The following OSBPL3 variants were observed in gnomAD, a reference collection of about 807,000 sequenced individuals.
OSBPL3 encodes the protein oxysterol binding protein like 3.
A neutral mutation model predicts 120.1 loss-of-function variants in OSBPL3; 65 were observed. The observed-to-expected ratio is 0.54, with a 90% CI of 0.44 to 0.67. The LOEUF is 0.67. OSBPL3 is among the 30% of genes least tolerant of loss of function. The pLI is 0.00. For synonymous variants in OSBPL3, 416 were observed against 402.6 expected (o/e 1.03, Z -0.40); for missense variants, 1,004 against 1,082.1 (o/e 0.93, Z 1.01).
At chr7:24,842,470 A>G in intron 12 of OSBPL3, 57 bp from the exon 13 acceptor site, 1 of 1,328,450 alleles carries the variant, frequency 7.5e-7, no homozygotes, top group South Asian at 1.3e-5. Flanking sequence ...CAAGAGAAAG[A>G]AAATAAATGA....
In OSBPL3 at chr7:24,821,382, G is replaced by A. The variant is rs556445525; in HGVS notation, c.1885-1144C>T. Among the ~76,000 whole-genome samples, 24 of 152,290 alleles carry A rather than the reference G, an allele frequency of 1.6e-4. No homozygotes were observed. Among genetic ancestry groups the A allele is most frequent in the African/African-American group, 4.8e-4 (20 of 41,568 alleles). On this transcript the variant is annotated intron_variant, in intron 16 of 22. Coordinates refer to ENST00000313367, the MANE Select transcript of OSBPL3 (RefSeq NM_015550.4). The surrounding 1 kb of genome is among the most constrained non-coding windows in gnomAD (Gnocchi z 5.5). ...AAGCAGCTGTACAGTTTTCAGACCC[G>A]TCTTATCAAGAACCCAGAATACTGA...
Position 24,912,797 on chromosome 7 carries a change from T to C in OSBPL3, c.-149-20176A>G, listed in dbSNP as rs1809008912. 6.6e-6 allele frequency among the ~76,000 whole-genome samples: 1 copy of C among 152,206 alleles called. No individual in the cohort carries two copies. The highest frequency in any genetic ancestry group is 1.5e-5 in the Non-Finnish European group (1 of 68,030). On this transcript the variant is annotated intron_variant, in intron 1 of 22. Coordinates refer to ENST00000313367, the MANE Select transcript of OSBPL3 (RefSeq NM_015550.4). The surrounding 1 kb of genome is among the most constrained non-coding windows in gnomAD (Gnocchi z 4.5). The stretch of plus-strand genomic sequence containing the variant: ...AGTGACCGTGACACTTCTTCATCAA[T>C]AGATGGCTTCTATATTCCCATCCTT...
rs1798835239 is a variant in OSBPL3 at position 24,849,243 on chromosome 7, C to A, written c.1159-67G>T. 1 of 1,220,616 alleles carries A rather than the reference C, an allele frequency of 8.2e-7. No individual in the cohort carries two copies. The highest frequency in any genetic ancestry group is 1.3e-5 in the South Asian group (1 of 78,264). 75.6% of individuals were successfully genotyped at this position (1,220,616 alleles called of 1,614,324 possible). Reference sequence around the variant, plus strand: ...TGTTTCAGAAAAGCACAGCAGTGGGCCCTGCAGGAGCGATCTCTAAGAGCT... The same window carrying A: ...TGTTTCAGAAAAGCACAGCAGTGGGACCTGCAGGAGCGATCTCTAAGAGCT... On this transcript the variant is annotated intron_variant, in intron 11 of 22. Transcript: ENST00000313367. The surrounding 1 kb of genome is among the most constrained non-coding windows in gnomAD (Gnocchi z 5.4).
At chr7:24,861,889 T>C in intron 9 of OSBPL3, 120 bp from the exon 10 acceptor site, 1 of 563,824 alleles carries the variant, frequency 1.8e-6, no homozygotes, top group Non-Finnish European at 2.8e-6. Context: ...TAGGTCTTTT[T>C]TTTTTTTTTT....
chr7:24,970,686 A>C (rs1423555357), intron 1 of OSBPL3, among the ~76,000 whole-genome samples: 1 of 152,192 alleles, frequency 6.6e-6, no homozygotes, highest in Non-Finnish European at 1.5e-5. Context: ...GCTAATTAAC[A>C]TTTGCCTGCT....
intron 2 of OSBPL3, among the ~76,000 whole-genome samples, chr7:24,882,632 C>T (rs1430378908): frequency 3.9e-5 from 6 of 152,136 alleles, no homozygotes; most frequent in Non-Finnish European, 2.9e-5. Context: ...CATGGTAGTT[C>T]TTTAGTTCTT....
At position 24,938,220 on chromosome 7, in the gene OSBPL3, C is replaced by A. The variant is rs1031567147; in HGVS notation, c.-150+41666G>T. 3.5e-4 allele frequency among the ~76,000 whole-genome samples: 53 copies of A among 152,126 alleles called. No individual in the cohort carries two copies. The highest frequency in any genetic ancestry group is 1.2e-3 in the African/African-American group (51 of 41,416). ...TCCCCCTTTGCATGGGATTAATACC[C>A]TTATGAAAGAGAGCCCAGAGAGCTG... is the stretch of plus-strand genomic sequence containing the variant. On this transcript the variant is annotated intron_variant, in intron 1 of 22. Transcript: ENST00000313367. This position sits in a 1 kb window ranked among gnomAD's most constrained non-coding sequence, Gnocchi z 5.8.
intron 12 of OSBPL3, among the ~76,000 whole-genome samples, chr7:24,848,100 C>T (rs183058962): frequency 5.9e-5 from 9 of 152,304 alleles, no homozygotes; most frequent in Admixed American, 5.2e-4. Context: ...GTTCGGTGCC[C>T]GGAGCCCTAC....
chr7:24,977,653 G>C (rs1002354127), intron 1 of OSBPL3, among the ~76,000 whole-genome samples: 2 of 152,114 alleles, frequency 1.3e-5, no homozygotes, highest in Admixed American at 6.5e-5. Flanking sequence ...TCAGGAGATC[G>C]AGACCACCCT....
Position 24,891,176 on chromosome 7 carries a change from G to A in OSBPL3, c.96+1201C>T, listed in dbSNP as rs571412465. The stretch of plus-strand genomic sequence containing the variant: ...TGAAAACAGAACTGCAGGGAGCCAT[G>A]ATGCATTAGCCAATGACTAATTTTA... On this transcript the variant is annotated intron_variant, in intron 2 of 22. Transcript: ENST00000313367. The surrounding 1 kb of genome is among the most constrained non-coding windows in gnomAD (Gnocchi z 4.1). Among the ~76,000 whole-genome samples, 14 of 152,106 alleles carry A rather than the reference G, an allele frequency of 9.2e-5. No homozygotes were observed. In the East Asian group the frequency reaches 2.5e-3, roughly 27 times the overall value.
At position 24,872,162 on chromosome 7, in the gene OSBPL3, G is replaced by T; in HGVS notation, c.97-93C>A. 1 of 903,400 alleles carries T rather than the reference G, an allele frequency of 1.1e-6. No homozygotes were observed. Among genetic ancestry groups the T allele is most frequent in the Non-Finnish European group, 1.8e-6 (1 of 547,446 alleles). The allele number at this position is 903,400 out of a possible 1,614,324, so 56.0% of individuals were successfully genotyped here. On this transcript the variant is annotated intron_variant, in intron 2 of 22. Transcript: ENST00000313367. The surrounding 1 kb of genome is among the most constrained non-coding windows in gnomAD (Gnocchi z 4.1). ...GCATCCTGTCAGTAAATTTATTCAA[G>T]ATGGGGAGGCTGGCTGGGTTTGTTG... is the stretch of plus-strand genomic sequence containing the variant.
intron 1 of OSBPL3, among the ~76,000 whole-genome samples, chr7:24,926,884 G>A (rs1811121542): frequency 6.6e-6 from 1 of 152,176 alleles, no homozygotes; most frequent in Non-Finnish European, 1.5e-5. Flanking sequence ...AAAAATTCTT[G>A]ATGAACTAAT....
rs1791799312 is a variant in OSBPL3 at position 24,797,105 on chromosome 7, G to A, written c.*3078C>T. The A allele has an allele frequency of 6.6e-6, 1 of 152,174 alleles. No individual in the cohort carries two copies. Among genetic ancestry groups the A allele is most frequent in the Admixed American group, 6.5e-5 (1 of 15,276 alleles). 9.4% of individuals were successfully genotyped at this position (152,174 alleles called of 1,614,324 possible). Reference sequence around the variant, plus strand: ...GGCATAACTTGTAGTGTATGTAGTAGGGGCTACATCAAGGTTCAACAGCCA... The same window carrying A: ...GGCATAACTTGTAGTGTATGTAGTAAGGGCTACATCAAGGTTCAACAGCCA... On this transcript the variant is annotated 3_prime_UTR_variant, in exon 23 of 23. Coordinates refer to ENST00000313367, the MANE Select transcript of OSBPL3 (RefSeq NM_015550.4). The surrounding 1 kb of genome is among the most constrained non-coding windows in gnomAD (Gnocchi z 4.8).
chr7:24,842,003 G>T (rs954821358), intron 13 of OSBPL3, among the ~76,000 whole-genome samples: 3 of 151,178 alleles, frequency 2.0e-5, no homozygotes, highest in African/African-American at 7.3e-5. Context: ...ACAGAGCGAG[G>T]CTCTGTTTAA....
rs188716543 is a variant in OSBPL3 at position 24,822,630 on chromosome 7, G to C, written c.1885-2392C>G. ...AAAACAATGTAGCAATGTGGGAGAG[G>C]AGCACTATAGCTTTGATGAAGAATT... On this transcript the variant is annotated intron_variant, in intron 16 of 22. Coordinates refer to ENST00000313367, the MANE Select transcript of OSBPL3 (RefSeq NM_015550.4). The surrounding 1 kb of genome is among the most constrained non-coding windows in gnomAD (Gnocchi z 5.8). Among the ~76,000 whole-genome samples, 1 of 152,178 alleles carries C rather than the reference G, an allele frequency of 6.6e-6. No homozygotes were observed. The highest frequency in any genetic ancestry group is 1.5e-5 in the Non-Finnish European group (1 of 68,026).
At position 24,899,058 on chromosome 7, in the gene OSBPL3, T is replaced by C. The variant is rs1391394123; in HGVS notation, c.-149-6437A>G. On this transcript the variant is annotated intron_variant, in intron 1 of 22. Coordinates refer to ENST00000313367, the MANE Select transcript of OSBPL3 (RefSeq NM_015550.4). The surrounding 1 kb of genome is among the most constrained non-coding windows in gnomAD (Gnocchi z 4.0). ...CACTGAAACCACCACCATCCCCACATCCCACCCAGCAAATCTTTTCTTCTC... is the reference window on the plus strand; with the variant it reads ...CACTGAAACCACCACCATCCCCACACCCCACCCAGCAAATCTTTTCTTCTC... Among the ~76,000 whole-genome samples, 1 of 152,096 alleles carries C rather than the reference T, an allele frequency of 6.6e-6. No homozygotes were observed. Among genetic ancestry groups the C allele is most frequent in the African/African-American group, 2.4e-5 (1 of 41,406 alleles).
chr7:24,980,240 G>A (rs557496246), upstream of OSBPL3: 345 of 167,140 alleles, frequency 2.1e-3, 2 homozygotes, highest in South Asian at 3.1e-3. Flanking sequence ...CAGGGGAGGG[G>A]CCTGAGAGGC....
rs1269562332 is a variant in OSBPL3 at position 24,815,231 on chromosome 7, C to T, written c.2028-28G>A. 1 of 1,597,304 alleles carries T rather than the reference C, an allele frequency of 6.3e-7. No individual in the cohort carries two copies. The highest frequency in any genetic ancestry group is 2.2e-5 in the East Asian group (1 of 44,800). On this transcript the variant is annotated intron_variant, in intron 18 of 22. Transcript: ENST00000313367. The surrounding 1 kb of genome is among the most constrained non-coding windows in gnomAD (Gnocchi z 5.1). Reference sequence around the variant, plus strand: ...AAAAAGAAGGAAAAAGTAGAAGTACCAATTTCTAGAAGAGCCAGCAGCAAA... The same window carrying T: ...AAAAAGAAGGAAAAAGTAGAAGTACTAATTTCTAGAAGAGCCAGCAGCAAA...
chr7:24,804,982 C>A lies in OSBPL3; in HGVS notation c.2445-545G>T, dbSNP rs1792851711. On this transcript the variant is annotated intron_variant, in intron 21 of 22. Transcript: ENST00000313367. This position sits in a 1 kb window ranked among gnomAD's most constrained non-coding sequence, Gnocchi z 5.4. Reference sequence around the variant, plus strand: ...TTGCGTGGATGTATATGAATTTAGACAATTTCCTATGGATAGACATTTGAA... The same window carrying A: ...TTGCGTGGATGTATATGAATTTAGAAAATTTCCTATGGATAGACATTTGAA... 6.6e-6 allele frequency among the ~76,000 whole-genome samples: 1 copy of A among 152,186 alleles called. No homozygotes were observed. The highest frequency in any genetic ancestry group is 6.5e-5 in the Admixed American group (1 of 15,280).
Sources: allele counts gnomAD v4.1 joint callset (sites outside exome capture counted in the v4.1 genomes callset), GRCh38; gene constraint gnomAD v4.1.1; non-coding constraint Gnocchi (gnomAD v3.1); transcripts MANE v1.5; gene names NCBI Gene and HGNC (gene_info 2026-07-23, HGNC 2026-07-21).